Variants in GNB5 observed in about 807,000 individuals in gnomAD.
GNB5 encodes G protein subunit beta 5.
GNB5 carries 37 observed loss-of-function variants against 55.3 expected under a neutral mutation model. The ratio of observed to expected loss-of-function variants is 0.67; its 90% CI spans 0.51 to 0.88. GNB5 has a LOEUF of 0.88. Ranked by LOEUF, GNB5 falls within the 40% of genes least tolerant of loss-of-function variation. The probability of loss-of-function intolerance (pLI) is 0.00; values close to 1 mark genes in which losing one functional copy is unlikely to be tolerated. For synonymous variants in GNB5, 219 were observed against 198.5 expected (o/e 1.10, Z -0.87); for missense variants, 476 against 515.3 (o/e 0.92, Z 0.74).
intron 9 of GNB5, chr15:52,128,728 G>A (rs555432555): frequency 2.2e-6 from 1 of 458,304 alleles, no homozygotes; most frequent in Non-Finnish European, 4.4e-6. Context: ...CATATTTTCT[G>A]CTGTGAAGAT....
Position 52,141,198 on chromosome 15 carries a change from GA to G in GNB5, c.568del (p.Ser190LeufsTer22). Reference protein sequence around the residue: ...KNENMAAKKKSVAMHTNYLSA... With the variant: ...KNENMAAKKKXVAMHTNYLSA... ...CAGGTAGTTGGTGTGCATAGCAACA[GA>G]CTTCTTTTTGGCAGCCATGTTTTCA... On this transcript the variant is annotated frameshift_variant, in exon 7 of 13. Transcript: ENST00000261837. LOFTEE classifies it high-confidence loss of function. The G allele has an allele frequency of 1.2e-6, 2 of 1,614,012 alleles. No homozygotes were observed. Among genetic ancestry groups the G allele is most frequent in the Non-Finnish European group, 1.7e-6 (2 of 1,179,874 alleles).
chr15:52,175,918 A>C (rs2034641048), intron 3 of GNB5, among the ~76,000 whole-genome samples: 1 of 151,974 alleles, frequency 6.6e-6, no homozygotes, highest in South Asian at 2.1e-4. Flanking sequence ...GTGTGATGGC[A>C]TGTGCCTGTA....
rs1555403932 is a variant in GNB5 at position 52,118,869 on chromosome 15, T to TTAA, written c.*3887_*3888insTTA. The TTAA allele has an allele frequency of 7.5e-5, 7 of 93,306 alleles. No individual in the cohort carries two copies. The South Asian group carries it at 1.4e-3, about 19-fold the overall frequency. 5.8% of individuals were successfully genotyped at this position (93,306 alleles called of 1,614,324 possible). Reference sequence around the variant, plus strand: ...TGGGCAACAAGAGCAAAACTCCACGTAAAAAAAAAAAAAAAAAAAAAGTGT... The same window carrying TTAA: ...TGGGCAACAAGAGCAAAACTCCACGTTAAAAAAAAAAAAAAAAAAAAAAAGTGT... On this transcript the variant is annotated 3_prime_UTR_variant, in exon 13 of 13. Transcript: ENST00000261837.
intron 3 of GNB5, among the ~76,000 whole-genome samples, chr15:52,179,094 G>A (rs1313881121): frequency 6.6e-6 from 1 of 152,204 alleles, no homozygotes; most frequent in Non-Finnish European, 1.5e-5. Context: ...TTACGGTGGT[G>A]GTGGTGAAGA....
rs766519894 is a variant in GNB5, at chr15:52,139,873, G to A, written c.627+1267C>T. The A allele has an allele frequency of 4.1e-5, 53 of 1,286,484 alleles. No homozygotes were observed. In the South Asian group the frequency reaches 5.7e-4, roughly 14 times the overall value. The allele number at this position is 1,286,484 out of a possible 1,614,324, so 79.7% of individuals were successfully genotyped here. ...GGGGCAACACAGAGCGAGTCTGATG[G>A]GTCTCCACAGAGGGGCTTCAGATGC... On this transcript the variant is annotated intron_variant, in intron 7 of 12. Coordinates refer to ENST00000261837, the MANE Select transcript of GNB5 (RefSeq NM_016194.4).
chr15:52,147,641 C>T, intron 5 of GNB5, 106 bp from the exon 6 acceptor site: 1 of 539,126 alleles, frequency 1.9e-6, no homozygotes, highest in Non-Finnish European at 3.3e-6. Context: ...GGCTGGAGTG[C>T]AGTGGCACAA....
At chr15:52,140,652 TAAAGTGA>T in intron 7 of GNB5, among the ~76,000 whole-genome samples, 4 of 152,252 alleles carry the variant, frequency 2.6e-5, no homozygotes, top group Non-Finnish European at 5.9e-5. Context: ...AAAGAAAACT[TAAAGTGA>T]TAAAGGTTGT....
chr15:52,124,795 A>G (rs1235355624), intron 11 of GNB5, 156 bp from the exon 12 acceptor site: 1 of 634,708 alleles, frequency 1.6e-6, no homozygotes. Flanking sequence ...GAGAAAGCAC[A>G]GTCCCTGTCC....
At chr15:52,165,782 AAAC>A (rs2034439377) in intron 3 of GNB5, among the ~76,000 whole-genome samples, 1 of 152,204 alleles carries the variant, frequency 6.6e-6, no homozygotes. Flanking sequence ...GCACCTACAC[AAAC>A]AAGTCTGCAA....
In GNB5 at chr15:52,117,102, A is replaced by ATATATATATATATATATTTTTTTTT; in HGVS notation, c.*5654_*5655insAAAAAAAAATATATATATATATATA. 53 of 87,084 alleles carry ATATATATATATATATATTTTTTTTT rather than the reference A, an allele frequency of 6.1e-4. 5 individuals carry two copies. The highest frequency in any genetic ancestry group is 3.0e-3 in the African/African-American group (49 of 16,434). The allele number at this position is 87,084 out of a possible 1,614,324, so 5.4% of individuals were successfully genotyped here. On this transcript the variant is annotated 3_prime_UTR_variant, in exon 13 of 13. Coordinates refer to ENST00000261837, the MANE Select transcript of GNB5 (RefSeq NM_016194.4). ...CCACGCCCAGCTAATATATATATAT[A>ATATATATATATATATATTTTTTTTT]TTTTTTTTTAGTACAGACAGGGTTT...
rs369321298 is a variant in GNB5, at chr15:52,141,123, G to A, written c.627+17C>T. On this transcript the variant is annotated intron_variant, in intron 7 of 12. Transcript: ENST00000261837. Reference sequence around the variant, plus strand: ...CTCCTTGGCAGGTCAACCTGACACCGGGGGCTGCCTATTTACCTGCATGTC... The same window carrying A: ...CTCCTTGGCAGGTCAACCTGACACCAGGGGCTGCCTATTTACCTGCATGTC... 26 of 1,610,920 alleles carry A rather than the reference G, an allele frequency of 1.6e-5. No individual in the cohort carries two copies. Among genetic ancestry groups the A allele is most frequent in the East Asian group, 2.2e-5 (1 of 44,866 alleles).
rs760653565 is a variant in GNB5, at chr15:52,139,822, C to A, written c.627+1318G>T. 3.2e-6 allele frequency: 4 copies of A among 1,259,488 alleles called. No homozygotes were observed. The South Asian group carries it at 3.8e-5, about 12-fold the overall frequency. 78.0% of individuals were successfully genotyped at this position (1,259,488 alleles called of 1,614,324 possible). ...GAAAGCACTTTCTCACCTACTGGTGCCCCCTTTCATCCCCAACCCTGCCCC... is the reference window on the plus strand; with the variant it reads ...GAAAGCACTTTCTCACCTACTGGTGACCCCTTTCATCCCCAACCCTGCCCC... On this transcript the variant is annotated intron_variant, in intron 7 of 12. Transcript: ENST00000261837.
intron 6 of GNB5, among the ~76,000 whole-genome samples, chr15:52,144,785 G>A (rs2033934398): frequency 6.6e-6 from 1 of 152,112 alleles, no homozygotes; most frequent in African/African-American, 2.4e-5. Flanking sequence ...GGACACCTAA[G>A]GCTCAGAGGA....
chr15:52,136,995 G>T (rs1259579010), intron 7 of GNB5: 2 of 454,026 alleles, frequency 4.4e-6, no homozygotes, highest in Admixed American at 2.4e-5. Flanking sequence ...TTAACAGCTT[G>T]CTCATCCAGA....
At chr15:52,160,898 G>A (rs1299721559) in intron 3 of GNB5, among the ~76,000 whole-genome samples, 1 of 152,066 alleles carries the variant, frequency 6.6e-6, no homozygotes, top group Non-Finnish European at 1.5e-5. Flanking sequence ...TTTGTCCCAG[G>A]GCTACCATGA....
In GNB5 at chr15:52,154,085, A is replaced by C. The variant is rs1165283289; in HGVS notation, c.239-9T>G. On this transcript the variant is annotated splice_polypyrimidine_tract_variant and intron_variant, in intron 3 of 12. Transcript: ENST00000261837. Reference sequence around the variant, plus strand: ...CTCCGCCACCTGGTGCACTGGAATGACAAGGCCATAGTCAGTCCCCTTGCT... The same window carrying C: ...CTCCGCCACCTGGTGCACTGGAATGCCAAGGCCATAGTCAGTCCCCTTGCT... 8.7e-6 allele frequency: 14 copies of C among 1,613,270 alleles called. No homozygotes were observed. The highest frequency in any genetic ancestry group is 2.7e-5 in the African/African-American group (2 of 75,042).
chr15:52,149,535 G>A (rs888412594), intron 5 of GNB5: 1 of 566,292 alleles, frequency 1.8e-6, no homozygotes. Flanking sequence ...AGAGAGGGGA[G>A]AGAGAATGGA....
At chr15:52,189,403 G>A (rs1429850708) in intron 1 of GNB5, among the ~76,000 whole-genome samples, 1 of 152,014 alleles carries the variant, frequency 6.6e-6, no homozygotes, top group African/African-American at 2.4e-5. Flanking sequence ...GGGCAACATG[G>A]TGAAACCCCA....
chr15:52,147,383 T>C (rs1232399539), intron 6 of GNB5, 76 bp downstream of exon 6: 1 of 839,736 alleles, frequency 1.2e-6, no homozygotes, highest in Non-Finnish European at 2.1e-6. Flanking sequence ...TGAGTTCTTG[T>C]TTGTTTGTTT....
Sources: allele counts gnomAD v4.1 joint callset (sites outside exome capture counted in the v4.1 genomes callset), GRCh38; gene constraint gnomAD v4.1.1; transcripts MANE v1.5; gene names NCBI Gene and HGNC (gene_info 2026-07-23, HGNC 2026-07-21).